Variants in PRUNE2 observed in about 807,000 individuals in gnomAD.
PRUNE2 encodes the protein prune homolog 2 with BCH domain, also known as protein prune homolog 2.
Under a neutral mutation model 252.0 loss-of-function variants are expected in PRUNE2, and 164 were observed. That is an observed-to-expected ratio of 0.65 (90% confidence interval 0.57 to 0.74). The LOEUF is 0.74. Ranked by LOEUF, PRUNE2 falls within the 30% of genes least tolerant of loss-of-function variation. PRUNE2 has a pLI of 0.00. For missense variants in PRUNE2, 3,495 were observed against 3,711.0 expected, an observed-to-expected ratio of 0.94 and a Z score of 1.51; for synonymous variants, 1,292 against 1,350.2, an observed-to-expected ratio of 0.96 and a Z score of 0.94.
At chr9:76,838,802 G>C (rs867020610) in intron 4 of PRUNE2, among the ~76,000 whole-genome samples, 4 of 152,202 alleles carry the variant, frequency 2.6e-5, no homozygotes, top group African/African-American at 7.2e-5. Flanking sequence ...GGAGTGAGCA[G>C]TGGTGGGAAG....
intron 4 of PRUNE2, among the ~76,000 whole-genome samples, chr9:76,839,437 G>A (rs12003722): frequency 0.18 from 27,914 of 152,106 alleles, 3,302 homozygotes; most frequent in African/African-American, 0.32. Context: ...CCAGAAGGAG[G>A]GAACGGCTTA....
At chr9:76,835,038 G>A (rs922853627) in intron 4 of PRUNE2, among the ~76,000 whole-genome samples, 2 of 152,140 alleles carry the variant, frequency 1.3e-5, no homozygotes, top group African/African-American at 2.4e-5. Context: ...TAGAGGGAAG[G>A]AGCGATTAAC....
chr9:76,781,721 T>C (rs1029335833), intron 6 of PRUNE2, among the ~76,000 whole-genome samples: 3 of 152,258 alleles, frequency 2.0e-5, no homozygotes, highest in East Asian at 1.9e-4. Flanking sequence ...ATAAGAATTA[T>C]GTGTATTTTA....
Position 76,906,018 on chromosome 9 carries a change from C to T in PRUNE2, c.-55G>A. 3 of 1,593,528 alleles carry T rather than the reference C, an allele frequency of 1.9e-6. No individual in the cohort carries two copies. The highest frequency in any genetic ancestry group is 2.6e-6 in the Non-Finnish European group (3 of 1,161,754). On this transcript the variant is annotated 5_prime_UTR_variant, in exon 1 of 19. Coordinates refer to ENST00000376718, the MANE Select transcript of PRUNE2 (RefSeq NM_015225.3). ...CTCGGAGGGGCGCAGTGGAAAATCT[C>T]GGCCCAAGGAAGACGAGCGGGGTCC...
At chr9:76,718,710 C>T (rs949798795) in intron 6 of PRUNE2, among the ~76,000 whole-genome samples, 2 of 152,054 alleles carry the variant, frequency 1.3e-5, no homozygotes, top group African/African-American at 4.8e-5. Context: ...TGATCTTACC[C>T]AGCCACATGG....
At chr9:76,687,477 T>G (rs1403481808) in intron 9 of PRUNE2, 1 of 173,378 alleles carries the variant, frequency 5.8e-6, no homozygotes, top group African/African-American at 2.4e-5. Context: ...TGAAAGCATG[T>G]GTTTGGTTTT....
chr9:76,709,224 T>G lies in PRUNE2; in HGVS notation c.3050A>C (p.Gln1017Pro), dbSNP rs2046532804. 6.2e-7 allele frequency: 1 copy of G among 1,613,778 alleles called. No homozygotes were observed. The highest frequency in any genetic ancestry group is 8.5e-7 in the Non-Finnish European group (1 of 1,179,852). The change falls in exon 8 of 19, where the codon CAG becomes CCG. Residue 1017 changes from glutamine to proline, a missense_variant. By Grantham distance (76) the Gln-to-Pro change is moderately conservative. Coordinates refer to ENST00000376718, the MANE Select transcript of PRUNE2 (RefSeq NM_015225.3). ...ETDIPPQSLQ[Q>P]SSRNRISSGP... ...TGAACTGATTCGATTTCGAGATGAC[T>G]GTTGCAGTGACTGAGGAGGAATGTC...
rs2046262585 is a variant in PRUNE2 at position 76,705,712 on chromosome 9, C to T, written c.6562G>A (p.Gly2188Ser). ...KGSSQPASHK[G>S]SPEPSEINGD... ...TTTATTTCAGAAGGTTCAGGTGAAC[C>T]TTTATGAGAGGCGGGCTGAGAGGAG... The change falls in exon 8 of 19, where the codon GGT (glycine) becomes AGT (serine). Residue 2188 changes from glycine to serine, a missense_variant. Transcript: ENST00000376718. The T allele has an allele frequency of 1.2e-6, 2 of 1,613,852 alleles. No individual in the cohort carries two copies. Among genetic ancestry groups the T allele is most frequent in the African/African-American group, 1.3e-5 (1 of 74,904 alleles).
rs543170072 is a variant in PRUNE2, at chr9:76,772,421, C to T, written c.756+51211G>A. ...AGGTTGGGGCATAACCAATCACTTGCTACGTAGTCTTGAAACTCTGGGAAC... is the reference window on the plus strand; with the variant it reads ...AGGTTGGGGCATAACCAATCACTTGTTACGTAGTCTTGAAACTCTGGGAAC... On this transcript the variant is annotated intron_variant, in intron 6 of 18. Transcript: ENST00000376718. Among the ~76,000 whole-genome samples the T allele has an allele frequency of 2.6e-5, 4 of 152,192 alleles. No homozygotes were observed. In the South Asian group the frequency reaches 6.2e-4, roughly 24 times the overall value.
At chr9:76,759,429 C>G (rs1377145539) in intron 6 of PRUNE2, 2 of 152,444 alleles carry the variant, frequency 1.3e-5, no homozygotes, top group Non-Finnish European at 2.9e-5. Context: ...TGTGCCCACA[C>G]AGACCCCAAA....
chr9:76,746,557 T>C (rs1210829541), intron 6 of PRUNE2, among the ~76,000 whole-genome samples: 2 of 149,182 alleles, frequency 1.3e-5, no homozygotes, highest in African/African-American at 4.9e-5. Context: ...TACAAAAAAT[T>C]AGCCGGGCGC....
At chr9:76,753,059 T>G (rs1023277148) in intron 6 of PRUNE2, among the ~76,000 whole-genome samples, 3 of 152,250 alleles carry the variant, frequency 2.0e-5, no homozygotes, top group Admixed American at 2.0e-4. Context: ...AGACAGGGTC[T>G]TGCTCTGTCA....
At chr9:76,846,442 T>A in intron 4 of PRUNE2, 73 bp downstream of exon 4, 1 of 1,338,626 alleles carries the variant, frequency 7.5e-7, no homozygotes, top group Non-Finnish European at 1.0e-6. Context: ...TGGATCGCAT[T>A]CTTTCTACAT....
intron 6 of PRUNE2, among the ~76,000 whole-genome samples, chr9:76,770,880 C>A (rs192821745): frequency 6.6e-6 from 1 of 151,710 alleles, no homozygotes; most frequent in Admixed American, 6.6e-5. Context: ...ACTATCAATG[C>A]GAAAGTAAAT....
chr9:76,863,317 T>C (rs761535225), intron 1 of PRUNE2: 39 of 152,294 alleles, frequency 2.6e-4, no homozygotes, highest in Admixed American at 1.1e-3. Context: ...CATTATCATG[T>C]TGATCGGTAA....
rs144547747 is a variant in PRUNE2 at position 76,807,275 on chromosome 9, T to C, written c.756+16357A>G. ...TTTGGTAGAGATAAGAATCTCCCTA[T>C]GTTCCCAGGATGGTCTCGAACTCCT... On this transcript the variant is annotated intron_variant, in intron 6 of 18. Transcript: ENST00000376718. Among the ~76,000 whole-genome samples, 592 of 152,040 alleles carry C rather than the reference T, an allele frequency of 3.9e-3. 2 individuals are homozygous for C. The Middle Eastern group carries it at 0.041, about 10-fold the overall frequency.
chr9:76,839,649 G>GA (rs2059270663), intron 4 of PRUNE2, among the ~76,000 whole-genome samples: 1 of 152,140 alleles, frequency 6.6e-6, no homozygotes, highest in Non-Finnish European at 1.5e-5. Context: ...GGTTGAAATG[G>GA]CCTGACTTAC....
chr9:76,878,191 G>A (rs1374399329), intron 1 of PRUNE2, among the ~76,000 whole-genome samples: 3 of 152,186 alleles, frequency 2.0e-5, no homozygotes, highest in Admixed American at 2.0e-4. Context: ...CCCAAGGACA[G>A]GACAGCCAGT....
chr9:76,685,095 ACTTCT>A (rs1311549788), intron 9 of PRUNE2, among the ~76,000 whole-genome samples: 1 of 152,214 alleles, frequency 6.6e-6, no homozygotes, highest in Admixed American at 6.5e-5. Context: ...AAAATTACTG[ACTTCT>A]CTTAAGACTC....
Sources: allele counts gnomAD v4.1 joint callset (sites outside exome capture counted in the v4.1 genomes callset), GRCh38; gene constraint gnomAD v4.1.1; transcripts MANE v1.5; gene names NCBI Gene and HGNC (gene_info 2026-07-23, HGNC 2026-07-21).